The following CPPED1 variants were observed in gnomAD, a reference collection of about 807,000 sequenced individuals.
CPPED1 encodes the protein serine/threonine-protein phosphatase CPPED1.
In CPPED1, 28 loss-of-function variants were observed where a neutral mutation model predicts 28.0. The observed-to-expected ratio is 1.00, with a 90% CI of 0.74 to 1.37. The LOEUF (loss-of-function observed/expected upper bound fraction) is 1.37. Ranked by LOEUF, CPPED1 falls within the 40% of genes most tolerant of loss-of-function variation. The probability of loss-of-function intolerance (pLI) is 0.00; values close to 1 mark genes in which losing one functional copy is unlikely to be tolerated. For missense variants in CPPED1, 504 were observed against 416.5 expected, an observed-to-expected ratio of 1.21 and a Z score of -1.83; for synonymous variants, 198 against 180.2, an observed-to-expected ratio of 1.10 and a Z score of -0.79.
In CPPED1 at chr16:12,704,835, G is replaced by A. The variant is rs2080040434; in HGVS notation, c.504C>T (p.Tyr168=). 9 of 1,614,182 alleles carry A rather than the reference G, an allele frequency of 5.6e-6. No homozygotes were observed. Among genetic ancestry groups the A allele is most frequent in the East Asian group, 2.2e-5 (1 of 44,876 alleles). The change falls in exon 3 of 4, where the codon TAC becomes TAT. Residue 168 remains tyrosine (Y), a synonymous_variant. Coordinates refer to ENST00000381774, the MANE Select transcript of CPPED1 (RefSeq NM_018340.3). ...GGCTGGGGCATTTGGAGGGGTTCTC[G>A]TAGAACTGGGAGTTGAGGACCAGGA... ...VLFLVLNSQF[Y]ENPSKCPSLK...
chr16:12,791,996 G>A (rs2080599430), intron 1 of CPPED1, among the ~76,000 whole-genome samples: 1 of 151,298 alleles, frequency 6.6e-6, no homozygotes. Flanking sequence ...CTGTCCCCCA[G>A]GCTGAAATGC....
chr16:12,799,659 G>T (rs559881196), intron 1 of CPPED1, among the ~76,000 whole-genome samples: 2 of 152,248 alleles, frequency 1.3e-5, no homozygotes, highest in African/African-American at 4.8e-5. Context: ...CAAGTTGCCA[G>T]CGATGCTAAT....
At chr16:12,697,184 T>C (rs777141101) in intron 3 of CPPED1, among the ~76,000 whole-genome samples, 14 of 151,728 alleles carry the variant, frequency 9.2e-5, no homozygotes, top group Admixed American at 8.5e-4. Flanking sequence ...GCCATCACGC[T>C]TGGCTAATTT....
chr16:12,680,906 G>A (rs1295301859), intron 3 of CPPED1, among the ~76,000 whole-genome samples: 1 of 152,098 alleles, frequency 6.6e-6, no homozygotes, highest in African/African-American at 2.4e-5. Context: ...GGTCATTTCA[G>A]GCATTTGTTC....
chr16:12,675,407 T>C (rs909028992), intron 3 of CPPED1, among the ~76,000 whole-genome samples: 3 of 152,248 alleles, frequency 2.0e-5, no homozygotes, highest in Non-Finnish European at 4.4e-5. Context: ...TTCTGTGGCA[T>C]TAGCTTCATA....
intron 3 of CPPED1, among the ~76,000 whole-genome samples, chr16:12,666,658 A>G (rs1383216384): frequency 6.6e-6 from 1 of 152,210 alleles, no homozygotes; most frequent in African/African-American, 2.4e-5. Flanking sequence ...AGTAGTGCCC[A>G]TTACATATAC....
At chr16:12,768,867 CTT>C (rs35322378) in intron 2 of CPPED1, among the ~76,000 whole-genome samples, 10 of 138,002 alleles carry the variant, frequency 7.2e-5, no homozygotes, top group Non-Finnish European at 6.2e-5. Context: ...TTTTCTTTTT[CTT>C]TTTTTTTTTT....
At chr16:12,737,588 T>A (rs1341434779) in intron 2 of CPPED1, among the ~76,000 whole-genome samples, 2 of 152,228 alleles carry the variant, frequency 1.3e-5, no homozygotes, top group African/African-American at 4.8e-5. Flanking sequence ...CCTCTCTGGC[T>A]ACAATGCTTT....
intron 1 of CPPED1, among the ~76,000 whole-genome samples, chr16:12,798,471 T>C (rs1038422136): frequency 6.6e-6 from 1 of 152,242 alleles, no homozygotes; most frequent in African/African-American, 2.4e-5. Context: ...GAAAAGTTCT[T>C]AGGTGAGACC....
rs78399021 is a variant in CPPED1, at chr16:12,794,684, C to G, written c.70+9023G>C. Among the ~76,000 whole-genome samples the G allele has an allele frequency of 8.8e-3, 1,345 of 152,266 alleles. 7 individuals carry two copies. The highest frequency in any genetic ancestry group is 0.024 in the Middle Eastern group (7 of 294). On this transcript the variant is annotated intron_variant, in intron 1 of 3. Transcript: ENST00000381774. ...AATGCTTTTGAGCATGACCTTTGAT[C>G]ATCAAGTCAGTGCTCAAAAAGTTTC... is the stretch of plus-strand genomic sequence containing the variant.
At chr16:12,799,781 C>T (rs759615733) in intron 1 of CPPED1, among the ~76,000 whole-genome samples, 1 of 152,228 alleles carries the variant, frequency 6.6e-6, no homozygotes, top group Non-Finnish European at 1.5e-5. Context: ...CAGCAGAACA[C>T]TCTGAGGCTG....
chr16:12,707,008 G>A (rs2080055140), intron 2 of CPPED1, among the ~76,000 whole-genome samples: 1 of 152,176 alleles, frequency 6.6e-6, no homozygotes, highest in Admixed American at 6.5e-5. Context: ...TGCATCGAAG[G>A]TGCCATTGAT....
In CPPED1 at chr16:12,670,237, G is replaced by C. The variant is rs574903896; in HGVS notation, c.716-5122C>G. On this transcript the variant is annotated intron_variant, in intron 3 of 3. Transcript: ENST00000381774. This position sits in a 1 kb window ranked among gnomAD's most constrained non-coding sequence, Gnocchi z 4.2. Reference sequence around the variant, plus strand: ...TTGAGCCTGGAAGTTTGAAGCTACAGTGAGCTATGACCGCACCATTGCATT... The same window carrying C: ...TTGAGCCTGGAAGTTTGAAGCTACACTGAGCTATGACCGCACCATTGCATT... Among the ~76,000 whole-genome samples the C allele has an allele frequency of 1.4e-4, 21 of 152,200 alleles. No individual in the cohort carries two copies. Among genetic ancestry groups the C allele is most frequent in the Admixed American group, 2.6e-4 (4 of 15,280 alleles).
intron 2 of CPPED1, among the ~76,000 whole-genome samples, chr16:12,761,868 G>A (rs552735681): frequency 5.3e-5 from 8 of 152,172 alleles, no homozygotes; most frequent in African/African-American, 9.6e-5. Context: ...AAAAGTAGCC[G>A]GGCATGGTGG....
intron 3 of CPPED1, among the ~76,000 whole-genome samples, chr16:12,686,212 G>C (rs2079932083): frequency 6.6e-6 from 1 of 150,916 alleles, no homozygotes; most frequent in African/African-American, 2.5e-5. Context: ...TTTGAAGATT[G>C]CTTGTTTATT....
At chr16:12,688,091 G>T (rs1209029273) in intron 3 of CPPED1, among the ~76,000 whole-genome samples, 1 of 150,618 alleles carries the variant, frequency 6.6e-6, no homozygotes, top group Non-Finnish European at 1.5e-5. Flanking sequence ...CTGCAGTGGT[G>T]CGATCATGGT....
intron 2 of CPPED1, among the ~76,000 whole-genome samples, chr16:12,763,817 A>G (rs540451040): frequency 6.6e-6 from 1 of 152,182 alleles, no homozygotes; most frequent in Non-Finnish European, 1.5e-5. Context: ...GACTTCGGAC[A>G]CAGTCTGAGC....
At chr16:12,781,553 T>C (rs2080531990) in intron 1 of CPPED1, 150 bp from the exon 2 acceptor site, 1 of 735,538 alleles carries the variant, frequency 1.4e-6, no homozygotes, top group Non-Finnish European at 2.2e-6. Context: ...CATTTTCCTG[T>C]CATAGTCTAG....
intron 2 of CPPED1, among the ~76,000 whole-genome samples, chr16:12,724,954 T>C (rs1396534183): frequency 2.7e-5 from 4 of 149,606 alleles, no homozygotes; most frequent in Non-Finnish European, 5.9e-5. Context: ...GCCCGGCTAA[T>C]TTTTTGTATT....
Sources: gnomAD v4.1 joint callset for allele counts (sites outside exome capture counted in the v4.1 genomes callset) on GRCh38, gnomAD v4.1.1 for gene constraint, Gnocchi (gnomAD v3.1) non-coding constraint, MANE v1.5 for transcripts, NCBI Gene and HGNC (gene_info 2026-07-23, HGNC 2026-07-21) for gene names.